The following UFSP2 variants were observed in gnomAD, a reference collection of about 807,000 sequenced individuals.
UFSP2 encodes the protein ufm1-specific protease 2.
Under a neutral mutation model 60.2 loss-of-function variants are expected in UFSP2, and 43 were observed. The ratio of observed to expected loss-of-function variants is 0.71; its 90% CI spans 0.56 to 0.92. The LOEUF (loss-of-function observed/expected upper bound fraction) is 0.92. UFSP2 is among the 40% of genes least tolerant of loss of function. UFSP2 has a pLI of 0.00. For synonymous variants in UFSP2, 183 were observed against 195.1 expected, an observed-to-expected ratio of 0.94 and a Z score of 0.52; for missense variants, 520 against 575.0, an observed-to-expected ratio of 0.90 and a Z score of 0.98.
chr4:185,425,181 G>T (rs2095557235), intron 1 of UFSP2, among the ~76,000 whole-genome samples: 1 of 152,164 alleles, frequency 6.6e-6, no homozygotes, highest in South Asian at 2.1e-4. Context: ...TGTCAAGGAT[G>T]ATTTCCAGGT....
intron 11 of UFSP2, chr4:185,402,332 C>G (rs1420928815): frequency 4.4e-6 from 2 of 454,062 alleles, no homozygotes; most frequent in Admixed American, 4.8e-5. Flanking sequence ...TTATAGACTT[C>G]AAATTCCAAA....
intron 10 of UFSP2, 126 bp downstream of exon 10, chr4:185,405,654 A>G: frequency 2.0e-6 from 2 of 988,552 alleles, no homozygotes; most frequent in Admixed American, 2.6e-5. Context: ...AGATCCATAC[A>G]TATGGTGTAA....
At chr4:185,411,839 A>G (rs2095529891) in intron 7 of UFSP2, among the ~76,000 whole-genome samples, 1 of 152,226 alleles carries the variant, frequency 6.6e-6, no homozygotes, top group Non-Finnish European at 1.5e-5. Context: ...GATATGTAAT[A>G]TTGAGTGAAA....
In UFSP2 at chr4:185,405,783, T is replaced by C. The variant is rs773385538; in HGVS notation, c.1195A>G (p.Ile399Val). The change falls in exon 10 of 12, where the codon ATC (isoleucine) becomes GTC (valine). Residue 399 changes from isoleucine (I) to valine (V), a missense_variant. Transcript: ENST00000264689. ...AACAGTGTCTGAAACAGCTTACCGATCATAACTGGAGTTCCTTCACTTTGG... is the reference window on the plus strand; with the variant it reads ...AACAGTGTCTGAAACAGCTTACCGACCATAACTGGAGTTCCTTCACTTTGG... ...HFQSEGTPVM[I>V]GGGVLAHTIL... 2 of 1,614,052 alleles carry C rather than the reference T, an allele frequency of 1.2e-6. No individual in the cohort carries two copies. Among genetic ancestry groups the C allele is most frequent in the Non-Finnish European group, 1.7e-6 (2 of 1,179,966 alleles).
At chr4:185,418,056 A>ACACACACACACACACACG (rs1276922161) in intron 4 of UFSP2, among the ~76,000 whole-genome samples, 1 of 150,304 alleles carries the variant, frequency 6.7e-6, no homozygotes, top group Non-Finnish European at 1.5e-5. Context: ...AAACACACAC[A>ACACACACACACACACACG]CACACACACA....
intron 7 of UFSP2, among the ~76,000 whole-genome samples, chr4:185,411,180 T>C (rs1020218900): frequency 1.3e-5 from 2 of 151,042 alleles, no homozygotes; most frequent in African/African-American, 2.4e-5. Flanking sequence ...AAAGAAAATA[T>C]TATGACTACA....
Position 185,400,119 on chromosome 4 carries a change from T to C in UFSP2, c.*273A>G. ...CCATATGTTGTGTCTAATCTCCTTC[T>C]GAGAAGGACGAAAAACTTTCTTCCA... On this transcript the variant is annotated 3_prime_UTR_variant, in exon 12 of 12. Transcript: ENST00000264689. 8.8e-7 allele frequency: 1 copy of C among 1,138,442 alleles called. No homozygotes were observed. The highest frequency in any genetic ancestry group is 1.3e-6 in the Non-Finnish European group (1 of 787,930). 70.5% of individuals were successfully genotyped at this position (1,138,442 alleles called of 1,614,324 possible).
At chr4:185,421,331 T>G (rs900794609) in intron 2 of UFSP2, among the ~76,000 whole-genome samples, 1 of 152,194 alleles carries the variant, frequency 6.6e-6, no homozygotes, top group South Asian at 2.1e-4. Flanking sequence ...CTGATATAGT[T>G]TTGATGTCTG....
Position 185,422,675 on chromosome 4 carries a change from A to C in UFSP2, c.4-112T>G, listed in dbSNP as rs750367017. On this transcript the variant is annotated intron_variant, in intron 1 of 11. Coordinates refer to ENST00000264689, the MANE Select transcript of UFSP2 (RefSeq NM_018359.5). ...AGACATTAATTAACCTTGATTCTTC[A>C]AATTATTTCATGAGTTAATTCCTTG... is the stretch of plus-strand genomic sequence containing the variant. 6 of 752,986 alleles carry C rather than the reference A, an allele frequency of 8.0e-6. No homozygotes were observed. The Admixed American group carries it at 1.0e-4, about 13-fold the overall frequency. 46.6% of individuals were successfully genotyped at this position (752,986 alleles called of 1,614,324 possible). A position where few individuals can be genotyped will look rare whatever the true frequency, so the allele number is the denominator to read the frequency against.
Position 185,425,885 on chromosome 4 carries a change from T to A in UFSP2, c.-17A>T. On this transcript the variant is annotated 5_prime_UTR_variant, in exon 1 of 12. Coordinates refer to ENST00000264689, the MANE Select transcript of UFSP2 (RefSeq NM_018359.5). Reference sequence around the variant, plus strand: ...ACTCACCATGTCCGCGACGTGGCGGTGACACGGGCGCTGACGCCTGCCCAA... The same window carrying A: ...ACTCACCATGTCCGCGACGTGGCGGAGACACGGGCGCTGACGCCTGCCCAA... 6.3e-7 allele frequency: 1 copy of A among 1,599,724 alleles called. No individual in the cohort carries two copies. The highest frequency in any genetic ancestry group is 1.1e-5 in the South Asian group (1 of 88,930).
rs1480565140 is a variant in UFSP2, at chr4:185,400,488, G to A, written c.1324-10C>T. 3.7e-6 allele frequency: 6 copies of A among 1,603,444 alleles called. No homozygotes were observed. Among genetic ancestry groups the A allele is most frequent in the Non-Finnish European group, 5.1e-6 (6 of 1,172,896 alleles). On this transcript the variant is annotated splice_polypyrimidine_tract_variant and intron_variant, in intron 11 of 11. Transcript: ENST00000264689. ...TCCATCCGCACCAGCCCTGGATAGA[G>A]AAGACGGGAAAGGAAAGCCTTTTAC...
Position 185,415,886 on chromosome 4 carries a change from A to G in UFSP2, c.334-19T>C. 6.3e-7 allele frequency: 1 copy of G among 1,588,204 alleles called. No homozygotes were observed. The highest frequency in any genetic ancestry group is 8.6e-7 in the Non-Finnish European group (1 of 1,164,746). ...TTTGATGCTATATAGATAAACAGTA[A>G]TAGTCAACTTGTAGTGCATTAAACA... On this transcript the variant is annotated intron_variant, in intron 4 of 11. Coordinates refer to ENST00000264689, the MANE Select transcript of UFSP2 (RefSeq NM_018359.5).
At chr4:185,412,773 G>A (rs1468754406) in intron 7 of UFSP2, among the ~76,000 whole-genome samples, 1 of 152,108 alleles carries the variant, frequency 6.6e-6, no homozygotes, top group Non-Finnish European at 1.5e-5. Context: ...GAGTCCTTGA[G>A]AGAGACTGAA....
chr4:185,405,882 A>T lies in UFSP2; in HGVS notation c.1122-26T>A, dbSNP rs1213609541. ...CTAGAAAGAAACCATTTTCTATCAG[A>T]TGAACTACTTCCAACACTACGGTCA... On this transcript the variant is annotated intron_variant, in intron 9 of 11. Coordinates refer to ENST00000264689, the MANE Select transcript of UFSP2 (RefSeq NM_018359.5). The T allele has an allele frequency of 3.1e-6, 5 of 1,613,828 alleles. No individual in the cohort carries two copies. In the African/African-American group the frequency reaches 6.7e-5, roughly 22 times the overall value.
chr4:185,409,889 T>A (rs905865158), intron 7 of UFSP2, among the ~76,000 whole-genome samples: 1 of 152,100 alleles, frequency 6.6e-6, no homozygotes, highest in African/African-American at 2.4e-5. Flanking sequence ...AACCAAAGGA[T>A]GCTGGCAGCC....
chr4:185,416,713 T>G (rs948817641), intron 4 of UFSP2, among the ~76,000 whole-genome samples: 2 of 152,194 alleles, frequency 1.3e-5, no homozygotes, highest in Admixed American at 6.5e-5. Flanking sequence ...GAACATCTGA[T>G]GGGTAGGAAG....
chr4:185,422,699 T>G lies in UFSP2; in HGVS notation c.4-136A>C, dbSNP rs899923781. On this transcript the variant is annotated intron_variant, in intron 1 of 11. Transcript: ENST00000264689. ...CAAATTATTTCATGAGTTAATTCCT[T>G]GTTTTATAGAAAAAACAAAAACAAA... The G allele has an allele frequency of 1.9e-5, 13 of 689,394 alleles. No individual in the cohort carries two copies. The African/African-American group carries it at 2.0e-4, about 11-fold the overall frequency. 42.7% of individuals were successfully genotyped at this position (689,394 alleles called of 1,614,324 possible).
At chr4:185,418,826 G>T in intron 2 of UFSP2, 56 bp from the exon 3 acceptor site, 1 of 1,359,948 alleles carries the variant, frequency 7.4e-7, no homozygotes, top group Non-Finnish European at 9.9e-7. Context: ...CAACATGAAT[G>T]GTTCCAAACA....
At chr4:185,413,910 TTGG>T (rs2095533963) in intron 6 of UFSP2, 38 bp from the exon 7 acceptor site, 5 of 1,546,410 alleles carry the variant, frequency 3.2e-6, no homozygotes, top group Non-Finnish European at 4.4e-6. Context: ...AGAAAAAATG[TTGG>T]TGATTTAGAT....
Sources: gnomAD v4.1 joint callset for allele counts (sites outside exome capture counted in the v4.1 genomes callset) on GRCh38, gnomAD v4.1.1 for gene constraint, MANE v1.5 for transcripts, NCBI Gene and HGNC (gene_info 2026-07-23, HGNC 2026-07-21) for gene names.